PDIA5: variants seen among roughly 807,000 people sequenced by gnomAD.
PDIA5 encodes protein disulfide-isomerase A5.
A neutral mutation model predicts 77.6 loss-of-function variants in PDIA5; 58 were observed. That is an observed-to-expected ratio of 0.75 (90% CI 0.61 to 0.93). The LOEUF is 0.93. PDIA5 is among the 40% of genes least tolerant of loss of function. PDIA5 has a pLI of 0.00. For missense variants in PDIA5, 630 were observed against 647.7 expected (o/e 0.97, Z 0.30); for synonymous variants, 250 against 252.1 (o/e 0.99, Z 0.08).
rs369240230 is a variant in PDIA5, at chr3:123,146,298, G to C, written c.1142+39G>C. 4.4e-6 allele frequency: 7 copies of C among 1,580,124 alleles called. No homozygotes were observed. In the African/African-American group the frequency reaches 8.1e-5, roughly 18 times the overall value. On this transcript the variant is annotated intron_variant, in intron 13 of 16. Coordinates refer to ENST00000316218, the MANE Select transcript of PDIA5 (RefSeq NM_006810.4). The stretch of plus-strand genomic sequence containing the variant: ...TCTCAGTAGCACATCCTAACTGCCA[G>C]CTGGCGGCCCCTGGAGACCACCTTG...
At chr3:123,121,691 A>C (rs539706427) in intron 8 of PDIA5, among the ~76,000 whole-genome samples, 10 of 152,320 alleles carry the variant, frequency 6.6e-5, no homozygotes, top group South Asian at 2.1e-4. Context: ...GAAGGCACCA[A>C]GTGGGGGCCA....
intron 1 of PDIA5, among the ~76,000 whole-genome samples, chr3:123,087,006 T>C (rs1304565990): frequency 1.3e-5 from 2 of 152,236 alleles, no homozygotes; most frequent in Non-Finnish European, 2.9e-5. Flanking sequence ...TCCTGATCTT[T>C]TGTATGTTGT....
chr3:123,071,577 A>G (rs1363182262), intron 1 of PDIA5, among the ~76,000 whole-genome samples: 3 of 152,262 alleles, frequency 2.0e-5, no homozygotes, highest in African/African-American at 4.8e-5. Context: ...TCCCACAGAA[A>G]TAAACACATT....
chr3:123,159,097 T>C (rs904011683), intron 15 of PDIA5, among the ~76,000 whole-genome samples: 9 of 152,224 alleles, frequency 5.9e-5, no homozygotes, highest in Non-Finnish European at 1.0e-4. Context: ...TTCCAATAGC[T>C]CCAGGGCATT....
At chr3:123,133,374 T>C (rs1320704372) in intron 11 of PDIA5, among the ~76,000 whole-genome samples, 1 of 152,210 alleles carries the variant, frequency 6.6e-6, no homozygotes, top group East Asian at 1.9e-4. Context: ...GACAGACCAT[T>C]TTAGAGACTC....
intron 13 of PDIA5, among the ~76,000 whole-genome samples, chr3:123,148,541 C>T (rs542263184): frequency 2.6e-5 from 4 of 151,446 alleles, no homozygotes; most frequent in African/African-American, 9.7e-5. Context: ...TGTACTCCAG[C>T]CTCAGCAACA....
At chr3:123,083,602 A>G (rs981342875) in intron 1 of PDIA5, among the ~76,000 whole-genome samples, 2 of 152,306 alleles carry the variant, frequency 1.3e-5, no homozygotes, top group South Asian at 4.2e-4. Context: ...CCCAGGAACA[A>G]TGCCGTGGCT....
intron 1 of PDIA5, among the ~76,000 whole-genome samples, chr3:123,077,818 T>G (rs1933893592): frequency 6.6e-6 from 1 of 151,830 alleles, no homozygotes. Context: ...TGTTCTTTTT[T>G]TTTTTTTTTG....
At chr3:123,142,332 G>T (rs961674577) in intron 11 of PDIA5, among the ~76,000 whole-genome samples, 1 of 152,260 alleles carries the variant, frequency 6.6e-6, no homozygotes, top group Non-Finnish European at 1.5e-5. Context: ...GAATCTGCAT[G>T]TAATCGGTGT....
At chr3:123,104,047 G>A (rs867563886) in intron 5 of PDIA5, among the ~76,000 whole-genome samples, 15 of 152,336 alleles carry the variant, frequency 9.8e-5, no homozygotes, top group Non-Finnish European at 1.6e-4. Context: ...TAGCAGAGAA[G>A]AAGCAAGGAG....
chr3:123,078,924 G>A (rs1269314847), intron 1 of PDIA5, among the ~76,000 whole-genome samples: 3 of 152,182 alleles, frequency 2.0e-5, no homozygotes, highest in Non-Finnish European at 4.4e-5. Context: ...GGGGGTTTCT[G>A]CCATGTTTTC....
chr3:123,132,020 T>C (rs1200487816), intron 11 of PDIA5, among the ~76,000 whole-genome samples: 1 of 152,170 alleles, frequency 6.6e-6, no homozygotes, highest in South Asian at 2.1e-4. Context: ...CTCTTAATCA[T>C]AGGGTCCTCA....
chr3:123,107,717 G>A (rs962179063), intron 6 of PDIA5, among the ~76,000 whole-genome samples: 33 of 152,304 alleles, frequency 2.2e-4, no homozygotes, highest in Middle Eastern at 3.4e-3. Flanking sequence ...TAGGTAGAGG[G>A]AGAGGGTTCA....
chr3:123,067,376 G>A lies in PDIA5; in HGVS notation c.42+170G>A, dbSNP rs1933596103. 1.2e-5 allele frequency: 7 copies of A among 563,626 alleles called. 1 individual carries two copies. In the East Asian group the frequency reaches 2.4e-4, roughly 20 times the overall value. 34.9% of individuals were successfully genotyped at this position (563,626 alleles called of 1,614,324 possible). ...CACTGGGTGCTACGCGGGAGACAGC[G>A]GGCGTCCCGGTGCCCTCGCCGCCAA... is the stretch of plus-strand genomic sequence containing the variant. On this transcript the variant is annotated intron_variant, in intron 1 of 16. Coordinates refer to ENST00000316218, the MANE Select transcript of PDIA5 (RefSeq NM_006810.4).
rs759533758 is a variant in PDIA5, at chr3:123,130,610, G to GC, written c.908dup (p.Trp304MetfsTer6). ...CTCCTCTGTCCTCGTCATGTTCCAC[G>GC]CCCCATGTGAGTGGAACTTTGCTCC... On this transcript the variant is annotated frameshift_variant, in exon 11 of 17. Coordinates refer to ENST00000316218, the MANE Select transcript of PDIA5 (RefSeq NM_006810.4). LOFTEE classifies it high-confidence loss of function. 1 of 1,613,808 alleles carries GC rather than the reference G, an allele frequency of 6.2e-7. No individual in the cohort carries two copies. Among genetic ancestry groups the GC allele is most frequent in the South Asian group, 1.1e-5 (1 of 91,064 alleles).
chr3:123,113,793 T>C (rs1934926986), intron 7 of PDIA5, among the ~76,000 whole-genome samples: 1 of 152,152 alleles, frequency 6.6e-6, no homozygotes, highest in Non-Finnish European at 1.5e-5. Context: ...CCTTTGGTGG[T>C]GACAAGGAAC....
At chr3:123,160,168 C>T (rs541417531) in intron 15 of PDIA5, among the ~76,000 whole-genome samples, 54 of 152,292 alleles carry the variant, frequency 3.5e-4, no homozygotes, top group South Asian at 2.5e-3. Context: ...GTGTGTGTTG[C>T]CTGGTAGGAG....
In PDIA5 at chr3:123,116,362, C is replaced by T. The variant is rs549313710; in HGVS notation, c.609+64C>T. On this transcript the variant is annotated intron_variant, in intron 8 of 16. Coordinates refer to ENST00000316218, the MANE Select transcript of PDIA5 (RefSeq NM_006810.4). ...CTTGGACTTGGCGGAGGAAGGGTGC[C>T]AGGGGTGGGGTGGGGACAGGTTTTG... is the stretch of plus-strand genomic sequence containing the variant. 228 of 898,294 alleles carry T rather than the reference C, an allele frequency of 2.5e-4. 2 individuals are homozygous for T. The Middle Eastern group carries it at 3.8e-3, about 15-fold the overall frequency. The allele number at this position is 898,294 out of a possible 1,614,324, so 55.6% of individuals were successfully genotyped here.
At chr3:123,106,871 T>A in intron 6 of PDIA5, 30 bp downstream of exon 6, 14 of 1,439,962 alleles carry the variant, frequency 9.7e-6, no homozygotes, top group South Asian at 2.3e-5. Context: ...TTCTGATGGA[T>A]GCTGGAAGCT....
Sources: gnomAD v4.1 joint callset for allele counts (sites outside exome capture counted in the v4.1 genomes callset) on GRCh38, gnomAD v4.1.1 for gene constraint, MANE v1.5 for transcripts, NCBI Gene and HGNC (gene_info 2026-07-23, HGNC 2026-07-21) for gene names.